SRGAP2B: variants seen among roughly 807,000 people sequenced by gnomAD.
SRGAP2B encodes the protein SLIT-ROBO Rho GTPase activating protein 2B.
SRGAP2B carries 9 observed loss-of-function variants against 22.2 expected under a neutral mutation model. The ratio of observed to expected loss-of-function variants is 0.41; its 90% CI spans 0.24 to 0.71. The LOEUF (loss-of-function observed/expected upper bound fraction) is 0.71. SRGAP2B is among the 30% of genes least tolerant of loss of function. The pLI, the probability that SRGAP2B is intolerant of heterozygous loss-of-function variation, is 0.35. For missense variants in SRGAP2B, 114 were observed against 235.8 expected, an observed-to-expected ratio of 0.48 and a Z score of 3.38; for synonymous variants, 36 against 87.4, an observed-to-expected ratio of 0.41 and a Z score of 3.28.
chr1:144,925,211 G>T (rs587709288), intron 4 of SRGAP2B, among the ~76,000 whole-genome samples: 1 of 150,114 alleles, frequency 6.7e-6, no homozygotes, highest in Non-Finnish European at 1.5e-5. Context: ...CACTATTTTG[G>T]CCGGGATGAT....
intron 5 of SRGAP2B, among the ~76,000 whole-genome samples, chr1:144,911,962 T>G (rs1663451925): frequency 7.4e-6 from 1 of 135,932 alleles, no homozygotes; most frequent in Non-Finnish European, 1.5e-5. Flanking sequence ...TTTTTTTTTT[T>G]TTTTTTGAGA....
chr1:145,061,606 G>C (rs1393788488), intron 2 of SRGAP2B, among the ~76,000 whole-genome samples: 1 of 150,100 alleles, frequency 6.7e-6, no homozygotes, highest in African/African-American at 2.5e-5. Context: ...TCCCCCCTCT[G>C]AGACAGGGTC....
At chr1:144,985,540 T>A (rs1570929517) in intron 3 of SRGAP2B, among the ~76,000 whole-genome samples, 1 of 150,966 alleles carries the variant, frequency 6.6e-6, no homozygotes, top group Non-Finnish European at 1.5e-5. Flanking sequence ...GCATTATCAA[T>A]TAGAGTCCTG....
chr1:144,971,406 C>T (rs1471632138), intron 3 of SRGAP2B, among the ~76,000 whole-genome samples: 1 of 150,358 alleles, frequency 6.7e-6, no homozygotes, highest in Non-Finnish European at 1.5e-5. Flanking sequence ...GCTGGGATTA[C>T]AGGTGTGAAC....
At chr1:145,017,258 A>AT (rs1553623364) in intron 2 of SRGAP2B, among the ~76,000 whole-genome samples, 1 of 150,116 alleles carries the variant, frequency 6.7e-6, no homozygotes, top group Non-Finnish European at 1.5e-5. Flanking sequence ...GTTTGCCAGT[A>AT]TTTTTTAAAG....
Position 144,960,396 on chromosome 1 carries a change from C to CATCT in SRGAP2B, c.261-4799_261-4796dup. On this transcript the variant is annotated intron_variant, in intron 3 of 9. Transcript: ENST00000612199. Reference sequence around the variant, plus strand: ...CCCGGAAAGTCACATGCTGCCTGTACATCTGCAGGAGACATTATCACTGTA... The same window carrying CATCT: ...CCCGGAAAGTCACATGCTGCCTGTACATCTATCTGCAGGAGACATTATCACTGTA... Among the ~76,000 whole-genome samples the CATCT allele has an allele frequency of 3.3e-5, 5 of 151,024 alleles. No homozygotes were observed. In the Middle Eastern group the frequency reaches 0.014, roughly 417 times the overall value.
chr1:144,970,173 T>G (rs1553613005), intron 3 of SRGAP2B, among the ~76,000 whole-genome samples: 1 of 145,204 alleles, frequency 6.9e-6, no homozygotes, highest in Non-Finnish European at 1.5e-5. Flanking sequence ...CTATAAATCC[T>G]GCTGCTATAA....
chr1:145,016,863 T>G (rs1271155102), intron 2 of SRGAP2B, among the ~76,000 whole-genome samples: 7 of 151,098 alleles, frequency 4.6e-5, no homozygotes, highest in Admixed American at 6.6e-5. Context: ...TTTGTTTTTT[T>G]TTTGAGACGG....
intron 2 of SRGAP2B, among the ~76,000 whole-genome samples, chr1:144,997,356 G>A (rs1480425403): frequency 6.6e-5 from 10 of 150,872 alleles, no homozygotes; most frequent in African/African-American, 9.9e-5. Context: ...GCGTGAACCC[G>A]GGAGGTGGAG....
chr1:144,933,265 C>CGGGA (rs1290537400), intron 4 of SRGAP2B, among the ~76,000 whole-genome samples: 2 of 148,420 alleles, frequency 1.3e-5, no homozygotes, highest in African/African-American at 5.1e-5. Context: ...CATGACCTCC[C>CGGGA]GCCTGGGACA....
chr1:144,888,947 A>AT lies in SRGAP2B; in HGVS notation c.*3212dup, dbSNP rs1211563137. On this transcript the variant is annotated 3_prime_UTR_variant, in exon 10 of 10. Transcript: ENST00000612199. ...GCCACCACGCCCAGCAGATTTATTT[A>AT]TTTTTTAATCTTTCTTTTTTTTTTT... 1.1e-4 allele frequency: 15 copies of AT among 132,788 alleles called. 1 individual carries two copies. The highest frequency in any genetic ancestry group is 4.5e-4 in the African/African-American group (15 of 33,200). The allele number at this position is 132,788 out of a possible 1,614,324, so 8.2% of individuals were successfully genotyped here. A position where few individuals can be genotyped will look rare whatever the true frequency, so the allele number is the denominator to read the frequency against.
rs1570955573 is a variant in SRGAP2B at position 144,994,558 on chromosome 1, G to GTA, written c.260+449_260+450insTA. Reference sequence around the variant, plus strand: ...TAGGGGTGTGTGAGTGTGAGTGTGTGTGTGTGTGTGAGAGAGAGAGAGAGA... The same window carrying GTA: ...TAGGGGTGTGTGAGTGTGAGTGTGTGTATGTGTGTGTGAGAGAGAGAGAGAGA... On this transcript the variant is annotated intron_variant, in intron 3 of 9. Coordinates refer to ENST00000612199, the Ensembl canonical transcript of SRGAP2B. Among the ~76,000 whole-genome samples the GTA allele has an allele frequency of 7.5e-3, 258 of 34,234 alleles. 10 individuals carry two copies. The East Asian group carries it at 0.12, about 16-fold the overall frequency. 22.5% of individuals were successfully genotyped at this position (34,234 alleles called of 152,430 possible).
chr1:145,015,409 T>C (rs1672343595), intron 2 of SRGAP2B, among the ~76,000 whole-genome samples: 1 of 116,148 alleles, frequency 8.6e-6, no homozygotes, highest in Admixed American at 9.0e-5. Flanking sequence ...TGTTGGGAAA[T>C]ACCAGTCTAA....
chr1:144,975,868 C>CTTTTT (rs56268353), intron 3 of SRGAP2B, among the ~76,000 whole-genome samples: 174 of 27,268 alleles, frequency 6.4e-3, no homozygotes, highest in Middle Eastern at 0.024. Flanking sequence ...GTTAGTAATT[C>CTTTTT]TTTTTTTTTT....
At chr1:144,991,043 C>G (rs1325052505) in intron 3 of SRGAP2B, among the ~76,000 whole-genome samples, 1 of 150,732 alleles carries the variant, frequency 6.6e-6, no homozygotes, top group Non-Finnish European at 1.5e-5. Flanking sequence ...GAGCGCACAG[C>G]GCAGGACTGG....
At chr1:144,984,511 A>C (rs1669575567) in intron 3 of SRGAP2B, among the ~76,000 whole-genome samples, 1 of 150,352 alleles carries the variant, frequency 6.7e-6, no homozygotes, top group African/African-American at 2.5e-5. Flanking sequence ...ATCAGTCAGC[A>C]ATTCCTGTAG....
At chr1:144,956,604 C>T (rs1169910233) in intron 3 of SRGAP2B, among the ~76,000 whole-genome samples, 5 of 139,438 alleles carry the variant, frequency 3.6e-5, no homozygotes, top group Non-Finnish European at 6.1e-5. Flanking sequence ...CCTGCCACCA[C>T]GCCCAGCTAA....
Position 144,940,580 on chromosome 1 carries a change from C to G in SRGAP2B, c.423+14859G>C, listed in dbSNP as rs587663920. On this transcript the variant is annotated intron_variant, in intron 4 of 9. Coordinates refer to ENST00000612199, the Ensembl canonical transcript of SRGAP2B. ...TTGGGAGGCCAAGGCAGGCAGATCA[C>G]TTGAGTTCAGGAGTTCAAGACCAGT... Among the ~76,000 whole-genome samples the G allele has an allele frequency of 6.3e-3, 886 of 141,622 alleles. 32 individuals are homozygous for G. The highest frequency in any genetic ancestry group is 0.023 in the African/African-American group (831 of 36,718). The allele number at this position is 141,622 out of a possible 152,430, so 92.9% of individuals were successfully genotyped here.
chr1:144,966,015 T>C (rs1464031554), intron 3 of SRGAP2B, among the ~76,000 whole-genome samples: 5 of 150,780 alleles, frequency 3.3e-5, no homozygotes, highest in Admixed American at 6.6e-5. Context: ...CTACGTCTGA[T>C]TGGTGTACCT....
Sources: allele counts gnomAD v4.1 joint callset (sites outside exome capture counted in the v4.1 genomes callset), GRCh38; gene constraint gnomAD v4.1.1; transcripts MANE v1.5; gene names NCBI Gene and HGNC (gene_info 2026-07-23, HGNC 2026-07-21).